Variants in TIAM2 observed in about 807,000 individuals in gnomAD.
TIAM2 encodes rho guanine nucleotide exchange factor TIAM2.
In TIAM2, 80 loss-of-function variants were observed where a neutral mutation model predicts 152.9. The observed-to-expected ratio is 0.52, with a 90% CI of 0.44 to 0.63. The LOEUF (loss-of-function observed/expected upper bound fraction) is 0.63, where lower values mean the gene tolerates loss of function less well. TIAM2 is among the 30% of genes least tolerant of loss of function. The pLI is 0.00. For synonymous variants in TIAM2, 804 were observed against 838.0 expected, an observed-to-expected ratio of 0.96 and a Z score of 0.70; for missense variants, 1,965 against 2,120.1, an observed-to-expected ratio of 0.93 and a Z score of 1.44.
At position 155,174,585 on chromosome 6, in the gene TIAM2, T is replaced by A. The variant is rs557687146; in HGVS notation, c.2362-2231T>A. On this transcript the variant is annotated intron_variant, in intron 9 of 26. Coordinates refer to ENST00000682666, the MANE Select transcript of TIAM2 (RefSeq NM_012454.4). The surrounding 1 kb of genome is among the most constrained non-coding windows in gnomAD (Gnocchi z 4.2). ...GGTTTTACCATGTTGGCCAGGCTGGTCTTGAACTCATGACCTTAGGTGATC... is the reference window on the plus strand; with the variant it reads ...GGTTTTACCATGTTGGCCAGGCTGGACTTGAACTCATGACCTTAGGTGATC... Among the ~76,000 whole-genome samples the A allele has an allele frequency of 3.0e-4, 45 of 152,282 alleles. No homozygotes were observed. Among genetic ancestry groups the A allele is most frequent in the South Asian group, 1.7e-3 (8 of 4,816 alleles).
At position 155,161,866 on chromosome 6, in the gene TIAM2, T is replaced by C. The variant is rs113750353; in HGVS notation, c.2029-2549T>C. Among the ~76,000 whole-genome samples the C allele has an allele frequency of 9.3e-5, 14 of 149,860 alleles. 1 individual carries two copies. Among genetic ancestry groups the C allele is most frequent in the East Asian group, 4.1e-4 (2 of 4,914 alleles). ...GTGCTGGGATTACAGACGTGAGCCA[T>C]CACTCCCGGCCTTTTTTGTCTTTTT... On this transcript the variant is annotated intron_variant, in intron 7 of 26. Coordinates refer to ENST00000682666, the MANE Select transcript of TIAM2 (RefSeq NM_012454.4).
intron 9 of TIAM2, among the ~76,000 whole-genome samples, chr6:155,167,228 T>C (rs1380708329): frequency 6.6e-6 from 1 of 151,764 alleles, no homozygotes; most frequent in Admixed American, 6.6e-5. Context: ...AATTAATTTT[T>C]TTTTCTTTTT....
chr6:155,071,783 C>T (rs1372952589), intron 1 of TIAM2, among the ~76,000 whole-genome samples: 4 of 151,670 alleles, frequency 2.6e-5, no homozygotes, highest in Admixed American at 6.6e-5. Flanking sequence ...GTAATCCCAG[C>T]TACTTGGGAG....
At chr6:155,244,457 G>A (rs1327769895) in intron 17 of TIAM2, among the ~76,000 whole-genome samples, 1 of 152,322 alleles carries the variant, frequency 6.6e-6, no homozygotes, top group South Asian at 2.1e-4. Flanking sequence ...TAGTAATAGA[G>A]AATTATGGGG....
At chr6:155,119,385 G>C (rs1779099288) in intron 2 of TIAM2, among the ~76,000 whole-genome samples, 1 of 151,740 alleles carries the variant, frequency 6.6e-6, no homozygotes, top group Admixed American at 6.6e-5. Context: ...CTTCACTCAG[G>C]CTGGAGCGCA....
chr6:155,088,048 CT>C (rs1005795244), intron 1 of TIAM2, among the ~76,000 whole-genome samples: 5 of 134,950 alleles, frequency 3.7e-5, no homozygotes, highest in Non-Finnish European at 7.9e-5. Flanking sequence ...CTTTTTCTTT[CT>C]TTCTTTTTTT....
At chr6:155,033,235 A>G (rs1239044742) in intron 1 of TIAM2, among the ~76,000 whole-genome samples, 1 of 152,192 alleles carries the variant, frequency 6.6e-6, no homozygotes, top group Non-Finnish European at 1.5e-5. Flanking sequence ...ATGCGGCCCA[A>G]AGATACTACT....
chr6:155,034,314 G>A (rs546437070), intron 1 of TIAM2, among the ~76,000 whole-genome samples: 5 of 151,934 alleles, frequency 3.3e-5, no homozygotes, highest in African/African-American at 7.2e-5. Context: ...GCAATGGCAC[G>A]GTCTTGGCTC....
rs938347199 is a variant in TIAM2 at position 155,174,392 on chromosome 6, A to G, written c.2362-2424A>G. On this transcript the variant is annotated intron_variant, in intron 9 of 26. Transcript: ENST00000682666. This position sits in a 1 kb window ranked among gnomAD's most constrained non-coding sequence, Gnocchi z 4.2. The stretch of plus-strand genomic sequence containing the variant: ...GATGCAGTCTTTTTTTTTTTTTGAG[A>G]TGGAGCCTCCCTCTGTCGCCCAGGC... 4.7e-5 allele frequency among the ~76,000 whole-genome samples: 7 copies of G among 148,240 alleles called. No homozygotes were observed. The highest frequency in any genetic ancestry group is 1.7e-4 in the African/African-American group (7 of 40,062).
At chr6:154,996,637 A>G (rs796544758) in intron 1 of TIAM2, among the ~76,000 whole-genome samples, 4 of 152,336 alleles carry the variant, frequency 2.6e-5, no homozygotes, top group South Asian at 4.1e-4. Context: ...TGCGGATCAT[A>G]TGCTATAAAT....
At chr6:155,038,885 C>T (rs1776968341) in intron 1 of TIAM2, among the ~76,000 whole-genome samples, 1 of 149,290 alleles carries the variant, frequency 6.7e-6, no homozygotes. Flanking sequence ...TGAGCTGTGA[C>T]TGTGCCACCA....
At chr6:155,124,633 T>G (rs1779248900) in intron 2 of TIAM2, among the ~76,000 whole-genome samples, 1 of 151,978 alleles carries the variant, frequency 6.6e-6, no homozygotes, top group Non-Finnish European at 1.5e-5. Flanking sequence ...ACCCAGCTGG[T>G]TTTGGACTTT....
chr6:155,008,595 AT>A (rs35745208), intron 1 of TIAM2, among the ~76,000 whole-genome samples: 87,675 of 149,678 alleles, frequency 0.59, 26,976 homozygotes, highest in East Asian at 0.81. Context: ...TCTGGAAATA[AT>A]TTTTTTTTTT....
intron 1 of TIAM2, among the ~76,000 whole-genome samples, chr6:155,024,372 T>C (rs970891794): frequency 3.9e-5 from 6 of 152,146 alleles, no homozygotes; most frequent in South Asian, 4.1e-4. Flanking sequence ...TTTTTAAAAA[T>C]TCAGAGGATT....
At position 155,210,512 on chromosome 6, in the gene TIAM2, C is replaced by T. The variant is rs1421182514; in HGVS notation, c.3065-692C>T. On this transcript the variant is annotated intron_variant, in intron 14 of 26. Transcript: ENST00000682666. The stretch of plus-strand genomic sequence containing the variant: ...TGTGTGTTTTTTTTTTTCAATTTCT[C>T]GTAGAGACACTATGTAGTCTCACTA... Among the ~76,000 whole-genome samples, 7 of 151,190 alleles carry T rather than the reference C, an allele frequency of 4.6e-5. No individual in the cohort carries two copies. In the South Asian group the frequency reaches 6.3e-4, roughly 14 times the overall value.
intron 1 of TIAM2, among the ~76,000 whole-genome samples, chr6:155,015,363 G>C (rs1034931288): frequency 6.6e-6 from 1 of 152,150 alleles, no homozygotes; most frequent in South Asian, 2.1e-4. Context: ...GAAGTGCCTC[G>C]TGAGCAGTTA....
At chr6:155,198,891 G>A (rs989128508) in intron 14 of TIAM2, among the ~76,000 whole-genome samples, 2 of 151,976 alleles carry the variant, frequency 1.3e-5, no homozygotes, top group African/African-American at 4.8e-5. Flanking sequence ...TGGCTGTGGT[G>A]GTGGAGAACC....
At chr6:155,216,350 A>T (rs1271079551) in intron 15 of TIAM2, among the ~76,000 whole-genome samples, 1 of 152,168 alleles carries the variant, frequency 6.6e-6, no homozygotes, top group Non-Finnish European at 1.5e-5. Context: ...GCTGTTGGGG[A>T]TATTTTACTA....
Position 155,129,521 on chromosome 6 carries a change from G to C in TIAM2, c.298G>C (p.Gly100Arg). 1 of 1,614,124 alleles carries C rather than the reference G, an allele frequency of 6.2e-7. No homozygotes were observed. Residue 100 changes from glycine to arginine, a missense_variant, in exon 4 of 27, where the codon GGG becomes CGG. Gly to Arg is a moderately radical substitution (Grantham distance 125). Coordinates refer to ENST00000682666, the MANE Select transcript of TIAM2 (RefSeq NM_012454.4). The surrounding 1 kb of genome is among the most constrained non-coding windows in gnomAD (Gnocchi z 4.8). ...CTCCACGCACAGGACAAATGCCCCAGGGAAGGATTTCCAGGGCATCAGTGC... is the reference window on the plus strand; with the variant it reads ...CTCCACGCACAGGACAAATGCCCCACGGAAGGATTTCCAGGGCATCAGTGC... ...AYSTHRTNAP[G>R]KDFQGISAAF...
Sources: gnomAD v4.1 joint callset for allele counts (sites outside exome capture counted in the v4.1 genomes callset) on GRCh38, gnomAD v4.1.1 for gene constraint, Gnocchi (gnomAD v3.1) non-coding constraint, MANE v1.5 for transcripts, NCBI Gene and HGNC (gene_info 2026-07-23, HGNC 2026-07-21) for gene names.